The following DCC variants were observed in gnomAD, a reference collection of about 807,000 sequenced individuals.
The protein encoded by DCC is DCC netrin 1 receptor.
Under a neutral mutation model 172.5 loss-of-function variants are expected in DCC, and 58 were observed. The observed-to-expected ratio is 0.34, with a 90% CI of 0.27 to 0.42. DCC has a LOEUF of 0.42. Ranked by LOEUF, DCC falls within the 10% of genes least tolerant of loss-of-function variation. DCC has a pLI of 1.00. For synonymous variants in DCC, 709 were observed against 644.5 expected, an observed-to-expected ratio of 1.10 and a Z score of -1.52; for missense variants, 1,740 against 1,791.0, an observed-to-expected ratio of 0.97 and a Z score of 0.51.
intron 7 of DCC, among the ~76,000 whole-genome samples, chr18:53,081,279 C>T (rs1033173098): frequency 2.0e-5 from 3 of 152,098 alleles, no homozygotes; most frequent in South Asian, 2.1e-4. Flanking sequence ...AGTAAGCTTG[C>T]TTTAGGAAAT....
intron 1 of DCC, among the ~76,000 whole-genome samples, chr18:52,356,445 C>T (rs968317568): frequency 1.5e-4 from 23 of 152,248 alleles, no homozygotes; most frequent in African/African-American, 5.1e-4. Flanking sequence ...CAAAGATCTT[C>T]TGTACATTTT....
chr18:53,117,443 G>A (rs1159190924), intron 7 of DCC, among the ~76,000 whole-genome samples: 3 of 151,618 alleles, frequency 2.0e-5, no homozygotes, highest in Non-Finnish European at 3.0e-5. Context: ...CCTTTCTTTT[G>A]TCATCTTCTC....
intron 12 of DCC, among the ~76,000 whole-genome samples, chr18:53,297,119 G>T (rs1257054283): frequency 6.8e-6 from 1 of 147,972 alleles, no homozygotes; most frequent in Admixed American, 6.6e-5. Flanking sequence ...TGGAGTGGTG[G>T]GCTTATCAAC....
intron 1 of DCC, among the ~76,000 whole-genome samples, chr18:52,443,394 A>T (rs1988027481): frequency 1.3e-5 from 2 of 152,170 alleles, no homozygotes; most frequent in Non-Finnish European, 2.9e-5. Context: ...AGACAAGCAT[A>T]CAAGTGATAT....
At chr18:53,280,306 C>T (rs945411430) in intron 12 of DCC, among the ~76,000 whole-genome samples, 11 of 152,022 alleles carry the variant, frequency 7.2e-5, no homozygotes, top group African/African-American at 2.7e-4. Flanking sequence ...TTAGAGTAAC[C>T]TAGTCTCATT....
intron 12 of DCC, among the ~76,000 whole-genome samples, chr18:53,294,325 C>T (rs1242707678): frequency 6.6e-6 from 1 of 152,134 alleles, no homozygotes; most frequent in Admixed American, 6.5e-5. Context: ...GGCAGGAGGG[C>T]TGTGCCCTAA....
At chr18:52,890,672 C>T (rs1255925588) in intron 2 of DCC, among the ~76,000 whole-genome samples, 2 of 152,092 alleles carry the variant, frequency 1.3e-5, no homozygotes, top group African/African-American at 2.4e-5. Context: ...ATCTAAGACT[C>T]AGTTCCATAG....
chr18:53,349,272 C>T (rs539512489), intron 15 of DCC, among the ~76,000 whole-genome samples: 82 of 152,296 alleles, frequency 5.4e-4, no homozygotes, highest in African/African-American at 1.9e-3. Flanking sequence ...GTCACCTTTG[C>T]TCCAGTTCCC....
chr18:53,454,293 C>T (rs1377304682), intron 23 of DCC, among the ~76,000 whole-genome samples: 1 of 152,094 alleles, frequency 6.6e-6, no homozygotes, highest in African/African-American at 2.4e-5. Flanking sequence ...TGCAGTGAGC[C>T]ATGATTGCAT....
At chr18:52,963,653 A>C (rs1380141765) in intron 5 of DCC, among the ~76,000 whole-genome samples, 1 of 152,062 alleles carries the variant, frequency 6.6e-6, no homozygotes, top group Non-Finnish European at 1.5e-5. Context: ...ATGGAAATGC[A>C]CAGGGAAAAA....
At chr18:52,554,954 T>C (rs549612855) in intron 1 of DCC, among the ~76,000 whole-genome samples, 2 of 152,180 alleles carry the variant, frequency 1.3e-5, no homozygotes, top group Non-Finnish European at 2.9e-5. Context: ...GAATGAAAGA[T>C]AAAAGATAGA....
intron 2 of DCC, among the ~76,000 whole-genome samples, chr18:52,905,647 C>G (rs2039870919): frequency 6.6e-6 from 1 of 152,166 alleles, no homozygotes; most frequent in African/African-American, 2.4e-5. Context: ...GGAATTCTGT[C>G]CATAGGACCA....
chr18:53,045,386 GGAA>G (rs2042223682), intron 5 of DCC, among the ~76,000 whole-genome samples: 1 of 151,840 alleles, frequency 6.6e-6, no homozygotes, highest in South Asian at 2.1e-4. Flanking sequence ...ATAGAGGAGA[GGAA>G]GAAGTGTTTC....
intron 24 of DCC, among the ~76,000 whole-genome samples, chr18:53,467,202 G>C (rs1262046052): frequency 6.6e-6 from 1 of 151,948 alleles, no homozygotes; most frequent in African/African-American, 2.4e-5. Flanking sequence ...ATAGAAATGT[G>C]TGTCACAATA....
intron 7 of DCC, among the ~76,000 whole-genome samples, chr18:53,095,050 T>G (rs1390831150): frequency 6.6e-6 from 1 of 152,242 alleles, no homozygotes; most frequent in Non-Finnish European, 1.5e-5. Flanking sequence ...ATAATTACAG[T>G]TGGCAACAGA....
intron 1 of DCC, among the ~76,000 whole-genome samples, chr18:52,668,159 C>T (rs1477687139): frequency 3.9e-5 from 6 of 152,180 alleles, no homozygotes; most frequent in Admixed American, 6.5e-5. Context: ...ATATTAATTT[C>T]AGGATGGAGG....
chr18:53,400,303 C>A (rs1909216848), intron 18 of DCC, among the ~76,000 whole-genome samples: 1 of 152,002 alleles, frequency 6.6e-6, no homozygotes, highest in Non-Finnish European at 1.5e-5. Flanking sequence ...AATACCCAAG[C>A]AGGTGTCAGA....
intron 2 of DCC, among the ~76,000 whole-genome samples, chr18:52,782,946 A>G (rs1294010215): frequency 2.6e-5 from 4 of 152,048 alleles, no homozygotes; most frequent in Non-Finnish European, 4.4e-5. Context: ...TTGTTATATC[A>G]TGTATACTGT....
At chr18:53,034,856 G>C (rs768348826) in intron 5 of DCC, among the ~76,000 whole-genome samples, 1 of 151,924 alleles carries the variant, frequency 6.6e-6, no homozygotes, top group African/African-American at 2.4e-5. Flanking sequence ...CTGTTGCTTG[G>C]ACATTTCAAA....
Sources: allele counts gnomAD v4.1 joint callset (sites outside exome capture counted in the v4.1 genomes callset), GRCh38; gene constraint gnomAD v4.1.1; transcripts MANE v1.5; gene names NCBI Gene and HGNC (gene_info 2026-07-23, HGNC 2026-07-21).